Variants in SLC12A7 observed in about 807,000 individuals in gnomAD.
SLC12A7 encodes the protein solute carrier family 12 member 7.
In SLC12A7, 100 loss-of-function variants were observed where a neutral mutation model predicts 120.6. The ratio of observed to expected loss-of-function variants is 0.83; its 90% CI spans 0.71 to 0.98. The LOEUF is 0.98. Ranked by LOEUF, SLC12A7 falls within the 50% of genes least tolerant of loss-of-function variation. The pLI is 0.00. For missense variants in SLC12A7, 1,373 were observed against 1,548.1 expected (o/e 0.89, Z 1.90); for synonymous variants, 760 against 678.0 (o/e 1.12, Z -1.88).
At chr5:1,082,010 TCTCGGGTTCTGGAAAGTCCAGGCTTCCC>T (rs1371457568) in intron 8 of SLC12A7, among the ~76,000 whole-genome samples, 4 of 71,768 alleles carry the variant, frequency 5.6e-5, no homozygotes, top group Non-Finnish European at 4.4e-5. Context: ...GGGCTTCCCG[TCTCGGGTTCTGGAAAGTCCAGGCTTCCC>T]GTCTCGGGTT....
chr5:1,057,487 G>A lies in SLC12A7; in HGVS notation c.3010C>T (p.Leu1004Phe). Residue 1004 changes from leucine to phenylalanine, a missense_variant, in exon 22 of 24, where the codon CTC becomes TTC. Physicochemically the swap from Leu to Phe is conservative, Grantham distance 22 (BLOSUM62 0). Coordinates refer to ENST00000264930, the MANE Select transcript of SLC12A7 (RefSeq NM_006598.3). The part of the protein sequence containing the change: ...RDTSLSGFKD[L>F]FSMKPDQSNV... ...GACACTCACGGCTTCATGCTGAAGA[G>A]GTCTTTGAAACCAGATAGGCTGGTG... The A allele has an allele frequency of 6.2e-7, 1 of 1,612,374 alleles. No homozygotes were observed. Among genetic ancestry groups the A allele is most frequent in the Non-Finnish European group, 8.5e-7 (1 of 1,179,726 alleles).
rs774595734 is a variant in SLC12A7, at chr5:1,079,435, C to T, written c.1359G>A (p.Thr453=). 3.9e-5 allele frequency: 63 copies of T among 1,612,676 alleles called. No individual in the cohort carries two copies. The East Asian group carries it at 5.3e-4, about 14-fold the overall frequency. The change falls in exon 10 of 24, where the codon ACG becomes ACA. Residue 453 remains threonine (T), a synonymous_variant. Transcript: ENST00000264930. Reference sequence around the variant, plus strand: ...TCGTCACTATGGCCAGGATGGTCCCCGTGGGGATGGACTTCTGTGCATCCT... The same window carrying T: ...TCGTCACTATGGCCAGGATGGTCCCTGTGGGGATGGACTTCTGTGCATCCT... The part of the protein sequence containing the change: ...DLKDAQKSIP[T]GTILAIVTTS...
Position 1,093,632 on chromosome 5 carries a change from C to T in SLC12A7, c.243G>A (p.Met81Ile). The T allele has an allele frequency of 6.2e-7, 1 of 1,613,136 alleles. No individual in the cohort carries two copies. The stretch of plus-strand genomic sequence containing the variant: ...CCAGCTTGTTGAGCAGCGAGGACAC[C>T]ATGGGGTTACTGTCCATCTCCTCCT... ...LFEEEMDSNPMVSSLLNKLAN... is the reference protein window; with the variant it reads ...LFEEEMDSNPIVSSLLNKLAN... Residue 81 changes from methionine (M) to isoleucine (I), a missense_variant, in exon 3 of 24, where the codon ATG becomes ATA. Met to Ile is a conservative substitution (Grantham distance 10, BLOSUM62 1). Coordinates refer to ENST00000264930, the MANE Select transcript of SLC12A7 (RefSeq NM_006598.3).
chr5:1,083,778 C>T lies in SLC12A7; in HGVS notation c.1096G>A (p.Gly366Ser), dbSNP rs1188125734. ...FIQNNVTEIQ[G>S]IPGAASGVFL... is the part of the protein sequence containing the mutation. ...ACACCACTGGCCGCGCCCGGGATGC[C>T]CTGGATTTCGGTGACGTTGTTCTGG... The change falls in exon 8 of 24, where the codon GGC (glycine) becomes AGC (serine). Residue 366 changes from glycine to serine, a missense_variant. Physicochemically the swap from Gly to Ser is moderately conservative, Grantham distance 56. Transcript: ENST00000264930. The T allele has an allele frequency of 6.2e-7, 1 of 1,612,702 alleles. No individual in the cohort carries two copies. The highest frequency in any genetic ancestry group is 8.5e-7 in the Non-Finnish European group (1 of 1,179,826).
chr5:1,113,541 TG>T (rs2150917875), upstream of SLC12A7, among the ~76,000 whole-genome samples: 1 of 151,936 alleles, frequency 6.6e-6, no homozygotes, highest in Admixed American at 6.5e-5. Flanking sequence ...CTTGCAGAGG[TG>T]GGGGTTCCTC....
intron 16 of SLC12A7, 124 bp from the exon 17 acceptor site, chr5:1,073,925 C>CGGGACAGGGGACAAAA: frequency 1.0e-6 from 1 of 967,686 alleles, no homozygotes; most frequent in African/African-American, 1.7e-5. Context: ...ACATGACAGG[C>CGGGACAGGGGACAAAA]GGGACAGGGG....
chr5:1,133,355 T>A, the SLC12A7 span, among the ~76,000 whole-genome samples: 1 of 152,166 alleles, frequency 6.6e-6, no homozygotes, highest in Non-Finnish European at 1.5e-5. Flanking sequence ...AGACCCCAGC[T>A]TGAATCCCGT....
At chr5:1,067,196 G>C (rs1579338589) in intron 17 of SLC12A7, among the ~76,000 whole-genome samples, 3 of 152,224 alleles carry the variant, frequency 2.0e-5, no homozygotes, top group South Asian at 4.1e-4. Flanking sequence ...AGGGCCAGCA[G>C]ATATGCTCCT....
chr5:1,138,243 C>A, the SLC12A7 span, among the ~76,000 whole-genome samples: 2 of 152,210 alleles, frequency 1.3e-5, no homozygotes, highest in African/African-American at 4.8e-5. Context: ...CCCCAGGGCA[C>A]CACCCACTGC....
At chr5:1,102,237 G>C (rs6862111) in intron 1 of SLC12A7, among the ~76,000 whole-genome samples, 114,267 of 152,072 alleles carry the variant, frequency 0.75, 43,381 homozygotes, top group African/African-American at 0.86. Flanking sequence ...CAGTGAGAGT[G>C]TGTGTGTCAG....
At chr5:1,122,449 T>G in the SLC12A7 span, among the ~76,000 whole-genome samples, 1 of 152,220 alleles carries the variant, frequency 6.6e-6, no homozygotes, top group Non-Finnish European at 1.5e-5. Flanking sequence ...TAACTTTGCT[T>G]TTTCCTTTTT....
chr5:1,052,020 G>C lies in SLC12A7; in HGVS notation c.*340C>G, dbSNP rs146940870. On this transcript the variant is annotated 3_prime_UTR_variant, in exon 24 of 24. Coordinates refer to ENST00000264930, the MANE Select transcript of SLC12A7 (RefSeq NM_006598.3). Reference sequence around the variant, plus strand: ...GCAACCTAACCACTGGGTAAATCCAGCCAAGGAAAAGAACTTCCAGAAACC... The same window carrying C: ...GCAACCTAACCACTGGGTAAATCCACCCAAGGAAAAGAACTTCCAGAAACC... 3,440 of 338,298 alleles carry C rather than the reference G, an allele frequency of 0.01. 22 individuals carry two copies. The highest frequency in any genetic ancestry group is 0.015 in the Non-Finnish European group (2,844 of 185,070). The allele number at this position is 338,298 out of a possible 1,614,324, so 21.0% of individuals were successfully genotyped here.
At chr5:1,108,992 C>T (rs1253236437) in intron 1 of SLC12A7, among the ~76,000 whole-genome samples, 1 of 152,200 alleles carries the variant, frequency 6.6e-6, no homozygotes, top group Non-Finnish European at 1.5e-5. Context: ...AAGTGGCGCC[C>T]AAGCCAGGAA....
At chr5:1,126,534 C>T in the SLC12A7 span, among the ~76,000 whole-genome samples, 1 of 152,042 alleles carries the variant, frequency 6.6e-6, no homozygotes, top group Non-Finnish European at 1.5e-5. Context: ...ACGTTTATTA[C>T]ACAAGTAAAT....
At chr5:1,148,248 C>T in the SLC12A7 span, among the ~76,000 whole-genome samples, 1 of 146,182 alleles carries the variant, frequency 6.8e-6, no homozygotes. Flanking sequence ...GCTCTGTCAC[C>T]CAGGCTGGAG....
chr5:1,138,267 C>T, the SLC12A7 span, among the ~76,000 whole-genome samples: 1 of 152,146 alleles, frequency 6.6e-6, no homozygotes, highest in Non-Finnish European at 1.5e-5. Flanking sequence ...CGGGGTGGGG[C>T]AGGGCAGGGC....
intron 6 of SLC12A7, among the ~76,000 whole-genome samples, chr5:1,086,098 G>T (rs1053674517): frequency 6.6e-6 from 1 of 152,156 alleles, no homozygotes; most frequent in Non-Finnish European, 1.5e-5. Flanking sequence ...CGGCAGCCAC[G>T]GCACCCGGGG....
chr5:1,062,281 A>G (rs1372973124), intron 20 of SLC12A7, among the ~76,000 whole-genome samples: 3 of 152,216 alleles, frequency 2.0e-5, no homozygotes, highest in Non-Finnish European at 4.4e-5. Context: ...GCATTTTGTT[A>G]CTATTTTACT....
At chr5:1,080,425 C>A (rs141890143) in intron 9 of SLC12A7, among the ~76,000 whole-genome samples, 1 of 152,318 alleles carries the variant, frequency 6.6e-6, no homozygotes, top group Non-Finnish European at 1.5e-5. Context: ...CATAGCAAGA[C>A]GGGCCCACCT....
Sources: gnomAD v4.1 joint callset for allele counts (sites outside exome capture counted in the v4.1 genomes callset) on GRCh38, gnomAD v4.1.1 for gene constraint, MANE v1.5 for transcripts, NCBI Gene and HGNC (gene_info 2026-07-23, HGNC 2026-07-21) for gene names.